Variants in XK observed in about 807,000 individuals in gnomAD.
XK encodes X-linked Kx blood group antigen, Kell and VPS13A binding protein.
Under a neutral mutation model 14.0 loss-of-function variants are expected in XK, and 2 were observed. That is an observed-to-expected ratio of 0.14 (90% CI 0.06 to 0.45). The LOEUF is 0.45. XK is among the 20% of genes least tolerant of loss of function. The pLI is 0.98. For missense variants in XK, 235 were observed against 341.5 expected (o/e 0.69, Z 2.46); for synonymous variants, 149 against 147.5 (o/e 1.01, Z -0.08).
At chrX:37,704,725 C>T (rs1190995922) in intron 2 of XK, among the ~76,000 whole-genome samples, 6 of 111,133 alleles carry the variant, frequency 5.4e-5, no homozygotes, top group African/African-American at 2.0e-4. Flanking sequence ...ATCTCAGCTA[C>T]TCGGGAGGCT....
chrX:37,692,124 C>T (rs1927214914), intron 1 of XK, among the ~76,000 whole-genome samples: 1 of 111,946 alleles, frequency 8.9e-6, no homozygotes, highest in South Asian at 3.7e-4. Flanking sequence ...GTATTCCCAG[C>T]ATTTTGCTAT....
Position 37,731,470 on chromosome X carries a change from C to G in XK, c.*3008C>G, listed in dbSNP as rs1482183377. On this transcript the variant is annotated 3_prime_UTR_variant, in exon 3 of 3. Transcript: ENST00000378616. Reference sequence around the variant, plus strand: ...CATAATACCCTTTTCCAACCTACCTCACAAGGTTATCAGAAAGATCAAATT... The same window carrying G: ...CATAATACCCTTTTCCAACCTACCTGACAAGGTTATCAGAAAGATCAAATT... 1.8e-5 allele frequency: 2 copies of G among 112,288 alleles called. No individual in the cohort carries two copies. The highest frequency in any genetic ancestry group is 6.5e-5 in the African/African-American group (2 of 30,947). The allele number at this position is 112,288 out of a possible 1,213,427, so 9.3% of individuals were successfully genotyped here.
At chrX:37,708,805 T>G (rs1007650027) in intron 2 of XK, among the ~76,000 whole-genome samples, 3 of 112,518 alleles carry the variant, frequency 2.7e-5, no homozygotes, top group African/African-American at 9.7e-5. Flanking sequence ...GCAAACCTCC[T>G]ACAACTTTCT....
chrX:37,712,323 T>C (rs1927681620), intron 2 of XK, among the ~76,000 whole-genome samples: 1 of 112,423 alleles, frequency 8.9e-6, no homozygotes, highest in Non-Finnish European at 1.9e-5. Context: ...ACCAACTGTA[T>C]TTTATGAACT....
intron 2 of XK, 89 bp downstream of exon 2, chrX:37,694,637 C>T (rs1927273555): frequency 9.3e-7 from 1 of 1,073,145 alleles, no homozygotes; most frequent in Non-Finnish European, 1.3e-6. Flanking sequence ...GAAATTTGTT[C>T]TTAAGTGCAC....
At chrX:37,723,548 GTAATAATTGCCTAAT>G (rs1208109058) in intron 2 of XK, among the ~76,000 whole-genome samples, 1 of 111,230 alleles carries the variant, frequency 9.0e-6, no homozygotes, top group Non-Finnish European at 1.9e-5. Context: ...CACCAACTGG[GTAATAATTGCCTAAT>G]TCTCTTGATA....
At chrX:37,708,075 G>A (rs781901423) in intron 2 of XK, among the ~76,000 whole-genome samples, 6 of 112,343 alleles carry the variant, frequency 5.3e-5, no homozygotes, top group South Asian at 3.7e-4. Flanking sequence ...GCGTGGCGGC[G>A]GGCGCCTGCA....
chrX:37,704,792 G>A (rs375118704), intron 2 of XK, among the ~76,000 whole-genome samples: 2 of 110,711 alleles, frequency 1.8e-5, no homozygotes, highest in Non-Finnish European at 3.8e-5. Flanking sequence ...CCGAGGTCAC[G>A]CCATTGCACT....
chrX:37,727,842 G>T lies in XK; in HGVS notation c.715G>T (p.Val239Phe), dbSNP rs1556450362. The T allele has an allele frequency of 3.3e-6, 4 of 1,211,127 alleles. No homozygotes were observed. Among genetic ancestry groups the T allele is most frequent in the Non-Finnish European group, 4.5e-6 (4 of 895,301 alleles). Residue 239 changes from valine (V) to phenylalanine (F), a missense_variant, in exon 3 of 3, where the codon GTT becomes TTT. Physicochemically the swap from Val to Phe is conservative, Grantham distance 50. Transcript: ENST00000378616. Reference protein sequence around the residue: ...FTSVLKTWVVVIILINFFSFF... With the variant: ...FTSVLKTWVVFIILINFFSFF... ...CTCCGTCCTGAAGACCTGGGTGGTG[G>T]TTATAATACTCATCAACTTCTTCAG...
intron 1 of XK, among the ~76,000 whole-genome samples, chrX:37,691,079 T>C (rs1423006138): frequency 8.9e-6 from 1 of 112,151 alleles, no homozygotes; most frequent in African/African-American, 3.2e-5. Flanking sequence ...ATGTATCACC[T>C]GGGAAAAAAC....
chrX:37,698,250 A>G, intron 2 of XK, among the ~76,000 whole-genome samples: 1 of 111,504 alleles, frequency 9.0e-6, no homozygotes, highest in East Asian at 2.8e-4. Context: ...TGTGATAGGC[A>G]TCCTTGTGTT....
chrX:37,714,835 T>C (rs1927733725), intron 2 of XK, among the ~76,000 whole-genome samples: 1 of 110,884 alleles, frequency 9.0e-6, no homozygotes, highest in Non-Finnish European at 1.9e-5. Context: ...CTGGAGTGAA[T>C]AAAGACTGTG....
chrX:37,721,190 T>C (rs1051854522), intron 2 of XK, among the ~76,000 whole-genome samples: 3 of 111,526 alleles, frequency 2.7e-5, no homozygotes, highest in Non-Finnish European at 3.8e-5. Flanking sequence ...TTATTACTTT[T>C]TTATAATAGC....
chrX:37,701,852 G>A (rs1236217627), intron 2 of XK, among the ~76,000 whole-genome samples: 2 of 111,064 alleles, frequency 1.8e-5, no homozygotes, highest in Non-Finnish European at 3.8e-5. Flanking sequence ...ACAGGAGAGT[G>A]CCCAGCAGAG....
Position 37,728,385 on chromosome X carries a change from G to C in XK, c.1258G>C (p.Asp420His). Reference sequence around the variant, plus strand: ...AGATCTACAGTCATCCAGAGATAGAGATGAGACACCTTCTAGCAGTAAAAC... The same window carrying C: ...AGATCTACAGTCATCCAGAGATAGACATGAGACACCTTCTAGCAGTAAAAC... Reference protein sequence around the residue: ...KEDLQSSRDRDETPSSSKTSP... With the variant: ...KEDLQSSRDRHETPSSSKTSP... The change falls in exon 3 of 3, where the codon GAT (aspartate) becomes CAT (histidine). Residue 420 changes from aspartate to histidine, a missense_variant. Transcript: ENST00000378616. 1 of 1,210,676 alleles carries C rather than the reference G, an allele frequency of 8.3e-7. No homozygotes were observed. Among genetic ancestry groups the C allele is most frequent in the Admixed American group, 2.2e-5 (1 of 46,005 alleles).
intron 2 of XK, among the ~76,000 whole-genome samples, chrX:37,719,904 A>G (rs1385790340): frequency 9.0e-6 from 1 of 111,356 alleles, no homozygotes; most frequent in Non-Finnish European, 1.9e-5. Flanking sequence ...TGCATGAACT[A>G]TCTTTCTCCA....
At chrX:37,717,625 A>G (rs1263893879) in intron 2 of XK, among the ~76,000 whole-genome samples, 1 of 111,865 alleles carries the variant, frequency 8.9e-6, no homozygotes, top group African/African-American at 3.2e-5. Flanking sequence ...TATAGAGTAT[A>G]CAGTTATAAT....
intron 1 of XK, among the ~76,000 whole-genome samples, chrX:37,692,975 C>A (rs1351699933): frequency 1.8e-5 from 2 of 110,742 alleles, no homozygotes; most frequent in African/African-American, 6.6e-5. Flanking sequence ...CCCCCCCACA[C>A]ACACACCCAC....
intron 2 of XK, among the ~76,000 whole-genome samples, chrX:37,720,677 T>G (rs1556448722): frequency 1.8e-5 from 2 of 110,638 alleles, no homozygotes; most frequent in Non-Finnish European, 3.8e-5. Context: ...AAGTAATTTC[T>G]TATCCTTTAC....
Sources: allele counts gnomAD v4.1 joint callset (sites outside exome capture counted in the v4.1 genomes callset), GRCh38; gene constraint gnomAD v4.1.1; transcripts MANE v1.5; gene names NCBI Gene and HGNC (gene_info 2026-07-23, HGNC 2026-07-21).